The following AP5B1 variants were observed in gnomAD, a reference collection of about 807,000 sequenced individuals.
The protein encoded by AP5B1 is adaptor related protein complex 5 subunit beta 1.
AP5B1 carries 3 observed loss-of-function variants against 5.7 expected under a neutral mutation model. The ratio of observed to expected loss-of-function variants is 0.53; its 90% CI spans 0.24 to 1.36. AP5B1 has a LOEUF of 1.36. Ranked by LOEUF, AP5B1 falls within the 40% of genes most tolerant of loss-of-function variation. AP5B1 has a pLI of 0.17. For synonymous variants in AP5B1, 696 were observed against 555.5 expected (o/e 1.25, Z -3.56); for missense variants, 1,310 against 1,143.2 (o/e 1.15, Z -2.10).
rs927514742 is a variant in AP5B1 at position 65,775,652 on chromosome 11, G to A, written c.*2204C>T. 3.9e-5 allele frequency among the ~76,000 whole-genome samples: 6 copies of A among 152,182 alleles called. No individual in the cohort carries two copies. Among genetic ancestry groups the A allele is most frequent in the South Asian group, 4.1e-4 (2 of 4,838 alleles). ...GGCAGGACAGTACGTTCTGATCCCA[G>A]CTCCAGTGGGAGCTTCCTGGAGGCG... On this transcript the variant is annotated 3_prime_UTR_variant, in exon 2 of 2. Transcript: ENST00000532090.
At position 65,778,407 on chromosome 11, in the gene AP5B1, G is replaced by A. The variant is rs762220636; in HGVS notation, c.2086C>T (p.Arg696Cys). The A allele has an allele frequency of 2.3e-5, 37 of 1,590,226 alleles. No individual in the cohort carries two copies. The highest frequency in any genetic ancestry group is 1.7e-4 in the South Asian group (15 of 89,158). ...ALEPIYSLEL[R>C]FRVEGQLYAP... Reference sequence around the variant, plus strand: ...TACAGCTGTCCTTCCACACGGAAGCGCAGCTCCAGAGAGTAGATGGGCTCC... The same window carrying A: ...TACAGCTGTCCTTCCACACGGAAGCACAGCTCCAGAGAGTAGATGGGCTCC... The change falls in exon 2 of 2, where the codon CGC becomes TGC. Residue 696 changes from arginine to cysteine, a missense_variant. Coordinates refer to ENST00000532090, the MANE Select transcript of AP5B1 (RefSeq NM_138368.5).
Position 65,780,807 on chromosome 11 carries a change from A to T in AP5B1, c.-216T>A. 10 of 338,246 alleles carry T rather than the reference A, an allele frequency of 3.0e-5. No individual in the cohort carries two copies. The highest frequency in any genetic ancestry group is 4.8e-5 in the East Asian group (1 of 20,774). 21.0% of individuals were successfully genotyped at this position (338,246 alleles called of 1,614,324 possible). A position where few individuals can be genotyped will look rare whatever the true frequency, so the allele number is the denominator to read the frequency against. On this transcript the variant is annotated 5_prime_UTR_variant, in exon 1 of 2. Coordinates refer to ENST00000532090, the MANE Select transcript of AP5B1 (RefSeq NM_138368.5). ...GGCCCTCGCGGGACAGGACAGGAGC[A>T]GGGCGGGGGAGGGTGCGTGCCGAGA...
At position 65,778,555 on chromosome 11, in the gene AP5B1, G is replaced by T. The variant is rs375471747; in HGVS notation, c.1938C>A (p.Ala646=). 4 of 1,582,492 alleles carry T rather than the reference G, an allele frequency of 2.5e-6. No homozygotes were observed. In the Admixed American group the frequency reaches 7.2e-5, roughly 29 times the overall value. The stretch of plus-strand genomic sequence containing the variant: ...GTGCTGCCACAAAGCCCTGGTTCTC[G>T]GCCACCAGTGAAGAGGCCAGTGCAG... ...AAPALASSLV[A]ENQGFVAALM... Residue 646 remains alanine, a synonymous_variant, in exon 2 of 2, where the codon GCC becomes GCA. Coordinates refer to ENST00000532090, the MANE Select transcript of AP5B1 (RefSeq NM_138368.5).
In AP5B1 at chr11:65,777,304, G is replaced by C. The variant is rs1455892217; in HGVS notation, c.*552C>G. The C allele has an allele frequency of 1.3e-5, 2 of 153,038 alleles. No individual in the cohort carries two copies. The highest frequency in any genetic ancestry group is 6.5e-5 in the Admixed American group (1 of 15,342). 9.5% of individuals were successfully genotyped at this position (153,038 alleles called of 1,614,324 possible). A position where few individuals can be genotyped will look rare whatever the true frequency, so the allele number is the denominator to read the frequency against. On this transcript the variant is annotated 3_prime_UTR_variant, in exon 2 of 2. Transcript: ENST00000532090. ...AGCACTAGTGTGTCTGGGTGAGAAGGAACTCTGTAGCTCTACAGTGCCGGG... is the reference window on the plus strand; with the variant it reads ...AGCACTAGTGTGTCTGGGTGAGAAGCAACTCTGTAGCTCTACAGTGCCGGG...
In AP5B1 at chr11:65,778,506, G is replaced by C. The variant is rs761631218; in HGVS notation, c.1987C>G (p.Leu663Val). 1.9e-6 allele frequency: 3 copies of C among 1,573,990 alleles called. No homozygotes were observed. Among genetic ancestry groups the C allele is most frequent in the Non-Finnish European group, 2.6e-6 (3 of 1,164,242 alleles). Residue 663 changes from leucine (L) to valine (V), a missense_variant, in exon 2 of 2, where the codon CTG becomes GTG. Coordinates refer to ENST00000532090, the MANE Select transcript of AP5B1 (RefSeq NM_138368.5). ...TGGGACCCCAGGCTCAGCCGTACCAGGGCCGGTGCCTCCTGCACCATCAGT... is the reference window on the plus strand; with the variant it reads ...TGGGACCCCAGGCTCAGCCGTACCACGGCCGGTGCCTCCTGCACCATCAGT... ...AALMVQEAPA[L>V]VRLSLGSHRV...
In AP5B1 at chr11:65,780,585, G is replaced by T. The variant is rs952422661; in HGVS notation, c.7C>A (p.Pro3Thr). The T allele has an allele frequency of 6.9e-6, 10 of 1,450,440 alleles. No individual in the cohort carries two copies. Among genetic ancestry groups the T allele is most frequent in the Non-Finnish European group, 9.1e-6 (10 of 1,104,468 alleles). The allele number at this position is 1,450,440 out of a possible 1,614,324, so 89.8% of individuals were successfully genotyped here. The part of the protein sequence containing the change: MG[P>T]LSRDAWAQRL... ...TGGGCCCAGGCGTCCCGGCTCAGGGGCCCCATGGTGAGGCGCGCGGGCCCC... is the reference window on the plus strand; with the variant it reads ...TGGGCCCAGGCGTCCCGGCTCAGGGTCCCCATGGTGAGGCGCGCGGGCCCC... The change falls in exon 1 of 2, where the codon CCC becomes ACC. Residue 3 changes from proline to threonine, a missense_variant. By Grantham distance (38) the Pro-to-Thr change is conservative (BLOSUM62 -1). Coordinates refer to ENST00000532090, the MANE Select transcript of AP5B1 (RefSeq NM_138368.5).
Position 65,774,955 on chromosome 11 carries a change from C to CAG in AP5B1, c.*2899_*2900dup, listed in dbSNP as rs1447681162. Among the ~76,000 whole-genome samples, 8 of 152,290 alleles carry CAG rather than the reference C, an allele frequency of 5.3e-5. No individual in the cohort carries two copies. Among genetic ancestry groups the CAG allele is most frequent in the African/African-American group, 1.9e-4 (8 of 41,568 alleles). On this transcript the variant is annotated 3_prime_UTR_variant, in exon 2 of 2. Coordinates refer to ENST00000532090, the MANE Select transcript of AP5B1 (RefSeq NM_138368.5). ...GCAGCAGTGTGTGATTCTGAGGACA[C>CAG]AGAGGGCTGGGGTCTAGGAGCTATC...
In AP5B1 at chr11:65,780,433, G is replaced by C; in HGVS notation, c.150+9C>G. Reference sequence around the variant, plus strand: ...TGCGGAACGGCGCAGGGGACGCGTGGGGGCCTACCTTGGTCTGTTCGCTCA... The same window carrying C: ...TGCGGAACGGCGCAGGGGACGCGTGCGGGCCTACCTTGGTCTGTTCGCTCA... On this transcript the variant is annotated intron_variant, in intron 1 of 1. Transcript: ENST00000532090. The C allele has an allele frequency of 2.0e-6, 3 of 1,494,996 alleles. No homozygotes were observed. Among genetic ancestry groups the C allele is most frequent in the Non-Finnish European group, 2.7e-6 (3 of 1,127,018 alleles). The allele number at this position is 1,494,996 out of a possible 1,614,324, so 92.6% of individuals were successfully genotyped here. A position where few individuals can be genotyped will look rare whatever the true frequency, so the allele number is the denominator to read the frequency against.
chr11:65,780,417 G>T, intron 1 of AP5B1, 25 bp downstream of exon 1: 1 of 1,484,442 alleles, frequency 6.7e-7, no homozygotes, highest in Non-Finnish European at 8.9e-7. Flanking sequence ...CTGCGGAACG[G>T]CGCAGGGGAC....
At position 65,775,753 on chromosome 11, in the gene AP5B1, G is replaced by T. The variant is rs563848571; in HGVS notation, c.*2103C>A. 2.6e-5 allele frequency: 4 copies of T among 152,286 alleles called. No individual in the cohort carries two copies. The highest frequency in any genetic ancestry group is 7.2e-5 in the African/African-American group (3 of 41,542). 9.4% of individuals were successfully genotyped at this position (152,286 alleles called of 1,614,324 possible). A position where few individuals can be genotyped will look rare whatever the true frequency, so the allele number is the denominator to read the frequency against. ...CCTTCTGCCAAAAACAGCTGGAGAA[G>T]TTTCTGTTTCCTGAAACTGACCCCT... On this transcript the variant is annotated 3_prime_UTR_variant, in exon 2 of 2. Transcript: ENST00000532090.
At position 65,780,549 on chromosome 11, in the gene AP5B1, C is replaced by A. The variant is rs768031419; in HGVS notation, c.43G>T (p.Ala15Ser). The change falls in exon 1 of 2, where the codon GCC becomes TCC. Residue 15 changes from alanine (A) to serine (S), a missense_variant. By Grantham distance (99) the Ala-to-Ser change is moderately conservative (BLOSUM62 1). Coordinates refer to ENST00000532090, the MANE Select transcript of AP5B1 (RefSeq NM_138368.5). ...AAGGCAGACGGGCTGGCCCGGAAGG[C>A]CCCCAAGCGCTGGGCCCAGGCGTCC... ...SRDAWAQRLG[A>S]FRASPSAFMA... 8.8e-5 allele frequency: 132 copies of A among 1,505,484 alleles called. No homozygotes were observed. The East Asian group carries it at 3.3e-3, about 38-fold the overall frequency. The allele number at this position is 1,505,484 out of a possible 1,614,324, so 93.3% of individuals were successfully genotyped here.
Position 65,780,829 on chromosome 11 carries a change from G to T in AP5B1, c.-238C>A, listed in dbSNP as rs1455583975. 244 of 349,434 alleles carry T rather than the reference G, an allele frequency of 7.0e-4. 1 individual carries two copies. In the East Asian group the frequency reaches 0.01, roughly 15 times the overall value. 21.6% of individuals were successfully genotyped at this position (349,434 alleles called of 1,614,324 possible). A position where few individuals can be genotyped will look rare whatever the true frequency, so the allele number is the denominator to read the frequency against. On this transcript the variant is annotated 5_prime_UTR_variant, in exon 1 of 2. Transcript: ENST00000532090. ...AGCAGGGCGGGGGAGGGTGCGTGCC[G>T]AGAGCTCGTTAGGCCGCCTCCCTCC...
Position 65,774,766 on chromosome 11 carries a change from A to C in AP5B1, c.*3090T>G, listed in dbSNP as rs1197684491. Among the ~76,000 whole-genome samples the C allele has an allele frequency of 6.6e-6, 1 of 152,192 alleles. No individual in the cohort carries two copies. Among genetic ancestry groups the C allele is most frequent in the African/African-American group, 2.4e-5 (1 of 41,438 alleles). On this transcript the variant is annotated 3_prime_UTR_variant, in exon 2 of 2. Coordinates refer to ENST00000532090, the MANE Select transcript of AP5B1 (RefSeq NM_138368.5). ...TGGGCTTGTGGCCAGACCTGCCTTG[A>C]AGGAGGCAAGGAAGGGTATGTGAAC...
In AP5B1 at chr11:65,776,619, G is replaced by C. The variant is rs1218964433; in HGVS notation, c.*1237C>G. On this transcript the variant is annotated 3_prime_UTR_variant, in exon 2 of 2. Coordinates refer to ENST00000532090, the MANE Select transcript of AP5B1 (RefSeq NM_138368.5). ...TCTTCTTACCTGGGAAGATTCCTAAGCACAAATTAGGTTTCTTAGGGGCTG... is the reference window on the plus strand; with the variant it reads ...TCTTCTTACCTGGGAAGATTCCTAACCACAAATTAGGTTTCTTAGGGGCTG... 6.6e-6 allele frequency: 1 copy of C among 152,216 alleles called. No individual in the cohort carries two copies. The highest frequency in any genetic ancestry group is 6.5e-5 in the Admixed American group (1 of 15,292). The allele number at this position is 152,216 out of a possible 1,614,324, so 9.4% of individuals were successfully genotyped here.
In AP5B1 at chr11:65,778,189, C is replaced by A; in HGVS notation, c.2304G>T (p.Leu768=). Residue 768 remains leucine (L), a synonymous_variant, in exon 2 of 2, where the codon CTG becomes CTT. Coordinates refer to ENST00000532090, the MANE Select transcript of AP5B1 (RefSeq NM_138368.5). ...CCCCCTCTGGAGGCTGCGGGAAAGG[C>A]AGAAAGAGGTCGGCAAAGTTCACGA... ...PLFVNFADLF[L]PFPQPPEGAG... 1.9e-6 allele frequency: 3 copies of A among 1,613,180 alleles called. No individual in the cohort carries two copies. Among genetic ancestry groups the A allele is most frequent in the East Asian group, 2.2e-5 (1 of 44,884 alleles).
chr11:65,774,184 C>T lies in AP5B1; in HGVS notation c.*3672G>A, dbSNP rs1402603145. ...TAAGTTTTTTCTGAGATTCCCTCGG[C>T]CACGAGGTGGCATCTGTTCAGTCGG... On this transcript the variant is annotated 3_prime_UTR_variant, in exon 2 of 2. Coordinates refer to ENST00000532090, the MANE Select transcript of AP5B1 (RefSeq NM_138368.5). Among the ~76,000 whole-genome samples the T allele has an allele frequency of 2.0e-5, 3 of 152,214 alleles. No homozygotes were observed.
chr11:65,779,569 G>A lies in AP5B1; in HGVS notation c.924C>T (p.Phe308=). Residue 308 remains phenylalanine (F), a synonymous_variant, in exon 2 of 2, where the codon TTC becomes TTT. Coordinates refer to ENST00000532090, the MANE Select transcript of AP5B1 (RefSeq NM_138368.5). ...CTAGCAGCCGTACCAGCTGCGGCTT[G>A]AAGAGTGCCGGTGGCTGTCCCTGCA... ...RGLQGQPPAL[F]KPQLVRLLGT... 6.2e-7 allele frequency: 1 copy of A among 1,607,090 alleles called. No individual in the cohort carries two copies. Among genetic ancestry groups the A allele is most frequent in the East Asian group, 2.2e-5 (1 of 44,700 alleles).
rs754967388 is a variant in AP5B1 at position 65,779,746 on chromosome 11, C to T, written c.747G>A (p.Glu249=). Reference sequence around the variant, plus strand: ...CTCGTGCTGTAAGGCTACGCTCCCCCTCTCCCTCCTCAGCTGCCGGCCAGC... The same window carrying T: ...CTCGTGCTGTAAGGCTACGCTCCCCTTCTCCCTCCTCAGCTGCCGGCCAGC... ...APSWPAAEEG[E]GERSLTAREH... The change falls in exon 2 of 2, where the codon GAG becomes GAA. Residue 249 remains glutamate (E), a synonymous_variant. Coordinates refer to ENST00000532090, the MANE Select transcript of AP5B1 (RefSeq NM_138368.5). 2 of 1,594,752 alleles carry T rather than the reference C, an allele frequency of 1.3e-6. No individual in the cohort carries two copies. The highest frequency in any genetic ancestry group is 1.7e-6 in the Non-Finnish European group (2 of 1,170,378).
chr11:65,780,810 G>A lies in AP5B1; in HGVS notation c.-219C>T. On this transcript the variant is annotated 5_prime_UTR_variant, in exon 1 of 2. Coordinates refer to ENST00000532090, the MANE Select transcript of AP5B1 (RefSeq NM_138368.5). ...CCTCGCGGGACAGGACAGGAGCAGGGCGGGGGAGGGTGCGTGCCGAGAGCT... is the reference window on the plus strand; with the variant it reads ...CCTCGCGGGACAGGACAGGAGCAGGACGGGGGAGGGTGCGTGCCGAGAGCT... 2.6e-6 allele frequency: 1 copy of A among 386,468 alleles called. No homozygotes were observed. The highest frequency in any genetic ancestry group is 4.4e-6 in the Non-Finnish European group (1 of 225,128). The allele number at this position is 386,468 out of a possible 1,614,324, so 23.9% of individuals were successfully genotyped here.
Sources: allele counts gnomAD v4.1 joint callset (sites outside exome capture counted in the v4.1 genomes callset), GRCh38; gene constraint gnomAD v4.1.1; transcripts MANE v1.5; gene names NCBI Gene and HGNC (gene_info 2026-07-23, HGNC 2026-07-21).